Variants in CACNB4 observed in about 807,000 individuals in gnomAD.
CACNB4 encodes the protein calcium voltage-gated channel auxiliary subunit beta 4, also known as voltage-dependent L-type calcium channel subunit beta-4.
Under a neutral mutation model 71.2 loss-of-function variants are expected in CACNB4, and 32 were observed. The ratio of observed to expected loss-of-function variants is 0.45; its 90% CI spans 0.34 to 0.60. CACNB4 has a LOEUF of 0.60. Ranked by LOEUF, CACNB4 falls within the 20% of genes least tolerant of loss-of-function variation. The probability of loss-of-function intolerance (pLI) is 0.01; values close to 1 mark genes in which losing one functional copy is unlikely to be tolerated. For synonymous variants in CACNB4, 231 were observed against 236.9 expected (o/e 0.97, Z 0.23); for missense variants, 464 against 647.9 (o/e 0.72, Z 3.08).
rs759192078 is a variant in CACNB4 at position 151,838,959 on chromosome 2, A to C, written c.*160T>G. ...CTAATATCCATCTAGACTCAAGGGC[A>C]TAATGTAATTTTTTTTTTTGCCCCT... On this transcript the variant is annotated 3_prime_UTR_variant, in exon 14 of 14. Transcript: ENST00000539935. The C allele has an allele frequency of 1.9e-4, 111 of 572,234 alleles. No homozygotes were observed. The highest frequency in any genetic ancestry group is 3.1e-4 in the Non-Finnish European group (99 of 324,074). 35.4% of individuals were successfully genotyped at this position (572,234 alleles called of 1,614,324 possible). A position where few individuals can be genotyped will look rare whatever the true frequency, so the allele number is the denominator to read the frequency against.
chr2:151,965,767 T>C (rs62176766), intron 2 of CACNB4, among the ~76,000 whole-genome samples: 4,122 of 152,184 alleles, frequency 0.027, 56 homozygotes, highest in African/African-American at 0.033. Flanking sequence ...GACTCAAGTG[T>C]TTCCAAGCTC....
chr2:151,976,090 G>T (rs543696628), intron 2 of CACNB4, among the ~76,000 whole-genome samples: 1 of 152,210 alleles, frequency 6.6e-6, no homozygotes, highest in Admixed American at 6.5e-5. Flanking sequence ...TGCAGTCAGC[G>T]AGTCTGACCA....
intron 2 of CACNB4, among the ~76,000 whole-genome samples, chr2:152,066,253 C>G (rs1014330341): frequency 6.6e-6 from 1 of 152,192 alleles, no homozygotes; most frequent in Non-Finnish European, 1.5e-5. Context: ...CAAATGCCAA[C>G]TAAGGCTTAG....
chr2:151,902,293 A>G (rs566458673), intron 2 of CACNB4, among the ~76,000 whole-genome samples: 84 of 152,244 alleles, frequency 5.5e-4, no homozygotes, highest in African/African-American at 2.0e-3. Context: ...AGCATCCCAA[A>G]GTATGGGGAT....
intron 2 of CACNB4, among the ~76,000 whole-genome samples, chr2:152,012,465 G>A (rs979364972): frequency 2.0e-4 from 30 of 152,006 alleles, no homozygotes; most frequent in African/African-American, 6.3e-4. Context: ...TTAGCCGGGC[G>A]TGGCGGCGGG....
In CACNB4 at chr2:151,911,728, T is replaced by A. The variant is rs533979811; in HGVS notation, c.148-28358A>T. ...GGAAGAGTCCCTCTTTTTCAGTTGT[T>A]TGGAATAGTTTCAGAAGAAATGGTA... On this transcript the variant is annotated intron_variant, in intron 2 of 13. Coordinates refer to ENST00000539935, the MANE Select transcript of CACNB4 (RefSeq NM_000726.5). Among the ~76,000 whole-genome samples, 6 of 152,312 alleles carry A rather than the reference T, an allele frequency of 3.9e-5. No homozygotes were observed. In the East Asian group the frequency reaches 1.2e-3, roughly 29 times the overall value.
chr2:151,928,742 T>C (rs1578837999), intron 2 of CACNB4, among the ~76,000 whole-genome samples: 2 of 152,074 alleles, frequency 1.3e-5, no homozygotes, highest in Non-Finnish European at 2.9e-5. Flanking sequence ...CTGGGCAACA[T>C]GGTGAAACCC....
intron 2 of CACNB4, chr2:151,971,758 A>C: frequency 3.2e-6 from 2 of 626,736 alleles, no homozygotes; most frequent in Non-Finnish European, 5.8e-6. Flanking sequence ...CACCCCTCCG[A>C]ACATCTCTCT....
intron 2 of CACNB4, among the ~76,000 whole-genome samples, chr2:151,954,477 G>A (rs576277103): frequency 6.6e-6 from 1 of 152,244 alleles, no homozygotes; most frequent in South Asian, 2.1e-4. Flanking sequence ...TCTTTGTTCT[G>A]TTTCAAATTA....
At chr2:151,846,991 T>C in intron 12 of CACNB4, among the ~76,000 whole-genome samples, 1 of 151,852 alleles carries the variant, frequency 6.6e-6, no homozygotes, top group East Asian at 1.9e-4. Flanking sequence ...TAGATAAAAC[T>C]GCATGTTGGG....
intron 3 of CACNB4, 134 bp from the exon 4 acceptor site, chr2:151,881,056 A>C: frequency 8.3e-6 from 7 of 841,912 alleles, no homozygotes; most frequent in Non-Finnish European, 1.1e-5. Context: ...TTACATTCTC[A>C]AGCAATATCA....
chr2:151,852,764 T>C (rs2099839393), intron 12 of CACNB4: 1 of 152,180 alleles, frequency 6.6e-6, no homozygotes, highest in African/African-American at 2.4e-5. Context: ...AGTGAATCCA[T>C]TGAGTAAGAA....
chr2:151,860,983 A>G, intron 9 of CACNB4, 163 bp from the exon 10 acceptor site: 1 of 596,932 alleles, frequency 1.7e-6, no homozygotes, highest in East Asian at 2.8e-5. Flanking sequence ...GGCTAGTATC[A>G]GAATGCAAGC....
rs2099835531 is a variant in CACNB4 at position 151,839,152 on chromosome 2, C to T, written c.1530G>A (p.Gly510=). The part of the protein sequence containing the change: ...YKPHRNRGSP[G]GYSHDSRHRL ...TATGTCGGGAGTCATGGCTATATCCCCCAGGTGATCCTCGGTTCCTATGGG... is the reference window on the plus strand; with the variant it reads ...TATGTCGGGAGTCATGGCTATATCCTCCAGGTGATCCTCGGTTCCTATGGG... Residue 510 remains glycine, a synonymous_variant, in exon 14 of 14, where the codon GGG becomes GGA. Coordinates refer to ENST00000539935, the MANE Select transcript of CACNB4 (RefSeq NM_000726.5). 1.2e-6 allele frequency: 2 copies of T among 1,613,518 alleles called. No individual in the cohort carries two copies. Among genetic ancestry groups the T allele is most frequent in the African/African-American group, 1.3e-5 (1 of 75,000 alleles).
chr2:151,940,769 T>C (rs1215745302), intron 2 of CACNB4, among the ~76,000 whole-genome samples: 1 of 152,180 alleles, frequency 6.6e-6, no homozygotes, highest in African/African-American at 2.4e-5. Context: ...CTTTGCCAAA[T>C]GGTGGTATGA....
Position 151,942,861 on chromosome 2 carries a change from C to A in CACNB4, c.148-59491G>T, listed in dbSNP as rs76160675. ...CAGACCGGTTCTCTGCTCTCGAACC[C>A]TGTTTTCTGTTGTTTAAGATATTTA... On this transcript the variant is annotated intron_variant, in intron 2 of 13. Coordinates refer to ENST00000539935, the MANE Select transcript of CACNB4 (RefSeq NM_000726.5). Among the ~76,000 whole-genome samples, 4 of 152,164 alleles carry A rather than the reference C, an allele frequency of 2.6e-5. No homozygotes were observed. In the South Asian group the frequency reaches 8.3e-4, roughly 32 times the overall value.
At chr2:152,084,484 G>GA (rs1687538148) in intron 2 of CACNB4, among the ~76,000 whole-genome samples, 1 of 152,318 alleles carries the variant, frequency 6.6e-6, no homozygotes, top group African/African-American at 2.4e-5. Flanking sequence ...ACTGGACTCA[G>GA]AAAAAATGGG....
Position 152,030,066 on chromosome 2 carries a change from C to A in CACNB4, c.147+68264G>T, listed in dbSNP as rs1242667062. Among the ~76,000 whole-genome samples the A allele has an allele frequency of 2.6e-5, 4 of 152,004 alleles. No homozygotes were observed. The East Asian group carries it at 5.8e-4, about 22-fold the overall frequency. On this transcript the variant is annotated intron_variant, in intron 2 of 13. Coordinates refer to ENST00000539935, the MANE Select transcript of CACNB4 (RefSeq NM_000726.5). ...AATGCTGAAGTGCAAATTCAAGAAG[C>A]CTCATTTTCTTTTTGAGGCAATTGT...
intron 2 of CACNB4, among the ~76,000 whole-genome samples, chr2:152,032,510 A>G (rs929915467): frequency 1.3e-5 from 2 of 152,260 alleles, no homozygotes; most frequent in Admixed American, 1.3e-4. Context: ...TTCCTTAAAA[A>G]ACACAAATAG....
Sources: allele counts gnomAD v4.1 joint callset (sites outside exome capture counted in the v4.1 genomes callset), GRCh38; gene constraint gnomAD v4.1.1; transcripts MANE v1.5; gene names NCBI Gene and HGNC (gene_info 2026-07-23, HGNC 2026-07-21).